CCDC15: variants seen among roughly 807,000 people sequenced by gnomAD.
The protein encoded by CCDC15 is coiled-coil domain-containing protein 15.
In CCDC15, 105 loss-of-function variants were observed where a neutral mutation model predicts 114.5. That is an observed-to-expected ratio of 0.92 (90% CI 0.78 to 1.08). CCDC15 has a LOEUF of 1.08. CCDC15 is among the 50% of genes least tolerant of loss of function. The pLI, the probability that CCDC15 is intolerant of heterozygous loss-of-function variation, is 0.00. For missense variants in CCDC15, 1,105 were observed against 1,093.6 expected (o/e 1.01, Z -0.15); for synonymous variants, 334 against 377.8 (o/e 0.88, Z 1.34).
rs1331765200 is a variant in CCDC15, at chr11:124,987,414, G to C, written c.1188G>C (p.Gln396His). 6.2e-7 allele frequency: 1 copy of C among 1,614,004 alleles called. No individual in the cohort carries two copies. Among genetic ancestry groups the C allele is most frequent in the Non-Finnish European group, 8.5e-7 (1 of 1,179,900 alleles). The change falls in exon 8 of 16, where the codon CAG becomes CAC. Residue 396 changes from glutamine to histidine, a missense_variant. By Grantham distance (24) the Gln-to-His change is conservative (BLOSUM62 0). Coordinates refer to ENST00000344762, the MANE Select transcript of CCDC15 (RefSeq NM_025004.3). ...TETQGIMLKA[Q>H]SIELEEGSIV... is the part of the protein sequence containing the mutation. ...CTCAGGGTATTATGCTGAAAGCCCA[G>C]AGTATTGAGCTAGAAGAAGGGAGTA... is the stretch of plus-strand genomic sequence containing the variant.
intron 6 of CCDC15, among the ~76,000 whole-genome samples, chr11:124,980,765 G>A (rs955245957): frequency 1.3e-5 from 2 of 152,116 alleles, no homozygotes; most frequent in African/African-American, 4.8e-5. Context: ...GTTTTTATCA[G>A]TTCAGCCCTG....
At chr11:125,033,292 T>A (rs1948753512) in intron 13 of CCDC15, among the ~76,000 whole-genome samples, 1 of 152,226 alleles carries the variant, frequency 6.6e-6, no homozygotes, top group South Asian at 2.1e-4. Context: ...GTGCCAGAGC[T>A]CTGCATAAGT....
Position 124,987,299 on chromosome 11 carries a change from C to A in CCDC15, c.1073C>A (p.Pro358Gln). Residue 358 changes from proline (P) to glutamine (Q), a missense_variant, in exon 8 of 16, where the codon CCA becomes CAA. Transcript: ENST00000344762. Reference protein sequence around the residue: ...GDLTGIQSVKPDTQAVEMKVQ... With the variant: ...GDLTGIQSVKQDTQAVEMKVQ... ...TTGACAGGAATCCAGAGTGTTAAGCCAGATACCCAGGCTGTTGAAATGAAG... is the reference window on the plus strand; with the variant it reads ...TTGACAGGAATCCAGAGTGTTAAGCAAGATACCCAGGCTGTTGAAATGAAG... The A allele has an allele frequency of 2.5e-6, 4 of 1,611,306 alleles. No homozygotes were observed. In the South Asian group the frequency reaches 4.4e-5, roughly 18 times the overall value.
chr11:124,964,483 A>T (rs1024571486), intron 4 of CCDC15, among the ~76,000 whole-genome samples: 2 of 152,300 alleles, frequency 1.3e-5, no homozygotes, highest in South Asian at 4.1e-4. Context: ...ATTTTTGCAC[A>T]TTGATTTTGT....
Position 125,005,151 on chromosome 11 carries a change from A to G in CCDC15, c.2350A>G (p.Ile784Val), listed in dbSNP as rs1948539740. 1.3e-6 allele frequency: 2 copies of G among 1,572,574 alleles called. No homozygotes were observed. Among genetic ancestry groups the G allele is most frequent in the South Asian group, 1.2e-5 (1 of 84,936 alleles). ...YLRHRRLFMD[I>V]EREQVKEQQR... ...GAGACATAGACGACTTTTCATGGAT[A>G]TTGAGAGAGAACAAGTTAAAGAACA... The change falls in exon 13 of 16, where the codon ATT (isoleucine) becomes GTT (valine). Residue 784 changes from isoleucine (I) to valine (V), a missense_variant. By Grantham distance (29) the Ile-to-Val change is conservative. Coordinates refer to ENST00000344762, the MANE Select transcript of CCDC15 (RefSeq NM_025004.3).
Position 124,964,143 on chromosome 11 carries a change from A to G in CCDC15, c.516+4140A>G, listed in dbSNP as rs144627441. ...AATGCGGGCTCTTTTTTGGTTCCAT[A>G]TGAACTTTAAAGTAGTTTTTTCCAG... On this transcript the variant is annotated intron_variant, in intron 4 of 15. Transcript: ENST00000344762. Among the ~76,000 whole-genome samples, 907 of 152,254 alleles carry G rather than the reference A, an allele frequency of 6.0e-3. 12 individuals carry two copies. Among genetic ancestry groups the G allele is most frequent in the African/African-American group, 0.021 (867 of 41,548 alleles).
At chr11:125,027,486 G>A (rs1388035483) in intron 13 of CCDC15, among the ~76,000 whole-genome samples, 2 of 151,994 alleles carry the variant, frequency 1.3e-5, no homozygotes, top group Non-Finnish European at 2.9e-5. Flanking sequence ...TCCCTGATAA[G>A]TAATGATGTT....
intron 4 of CCDC15, among the ~76,000 whole-genome samples, chr11:124,970,501 A>G (rs1012309096): frequency 6.6e-6 from 1 of 152,252 alleles, no homozygotes; most frequent in Non-Finnish European, 1.5e-5. Flanking sequence ...ATTTGCAAAT[A>G]AACTACATTA....
chr11:125,031,138 C>T (rs115849315), intron 13 of CCDC15, among the ~76,000 whole-genome samples: 1,613 of 152,336 alleles, frequency 0.011, 35 homozygotes, highest in African/African-American at 0.037. Flanking sequence ...GTGCATTGCT[C>T]GAAGTTCTGC....
chr11:124,954,994 AAC>A, intron 2 of CCDC15, 85 bp downstream of exon 2: 4 of 1,210,360 alleles, frequency 3.3e-6, no homozygotes. Context: ...CTTAAAGATG[AAC>A]AGTCCGAGGA....
rs187112164 is a variant in CCDC15, at chr11:125,034,638, G to T, written c.2412-3793G>T. Among the ~76,000 whole-genome samples the T allele has an allele frequency of 1.1e-3, 173 of 152,254 alleles. 1 individual carries two copies. The highest frequency in any genetic ancestry group is 4.1e-3 in the African/African-American group (169 of 41,556). ...CATATGGTCAAAGTTATTATGTACA[G>T]GGTCACTAAACTCCTTGCCTTTCAT... is the stretch of plus-strand genomic sequence containing the variant. On this transcript the variant is annotated intron_variant, in intron 13 of 15. Coordinates refer to ENST00000344762, the MANE Select transcript of CCDC15 (RefSeq NM_025004.3).
chr11:124,959,109 T>G lies in CCDC15; in HGVS notation c.178-6T>G. On this transcript the variant is annotated splice_region_variant and splice_polypyrimidine_tract_variant and intron_variant, in intron 2 of 15. Coordinates refer to ENST00000344762, the MANE Select transcript of CCDC15 (RefSeq NM_025004.3). Reference sequence around the variant, plus strand: ...TAAGTTCATTTTCTGTCTTTCATCTTTAAAGACATCAGCATATTTAATTGA... The same window carrying G: ...TAAGTTCATTTTCTGTCTTTCATCTGTAAAGACATCAGCATATTTAATTGA... 6.5e-7 allele frequency: 1 copy of G among 1,545,450 alleles called. No individual in the cohort carries two copies. The highest frequency in any genetic ancestry group is 8.7e-7 in the Non-Finnish European group (1 of 1,151,234).
chr11:125,035,904 T>G (rs1948771569), intron 13 of CCDC15, among the ~76,000 whole-genome samples: 1 of 152,148 alleles, frequency 6.6e-6, no homozygotes, highest in Non-Finnish European at 1.5e-5. Context: ...CTTTTAACTT[T>G]TTATTGTTTC....
At chr11:124,997,011 C>G (rs1006859725) in intron 11 of CCDC15, among the ~76,000 whole-genome samples, 1 of 152,206 alleles carries the variant, frequency 6.6e-6, no homozygotes, top group African/African-American at 2.4e-5. Flanking sequence ...GTTCCTTTTG[C>G]TCAGCATAAT....
At chr11:124,979,704 T>G (rs1022334732) in intron 6 of CCDC15, among the ~76,000 whole-genome samples, 4 of 152,162 alleles carry the variant, frequency 2.6e-5, no homozygotes, top group African/African-American at 9.6e-5. Context: ...GAATCATATC[T>G]TCTGCAAATA....
At chr11:124,990,959 T>G (rs1225570765) in intron 8 of CCDC15, among the ~76,000 whole-genome samples, 1 of 152,116 alleles carries the variant, frequency 6.6e-6, no homozygotes, top group Non-Finnish European at 1.5e-5. Context: ...TGGAATGGAG[T>G]GTAGTTTTTG....
chr11:125,006,872 T>C (rs1221607682), intron 13 of CCDC15, among the ~76,000 whole-genome samples: 1 of 152,230 alleles, frequency 6.6e-6, no homozygotes, highest in Non-Finnish European at 1.5e-5. Context: ...TCTGTTCTGT[T>C]CCATTGATCT....
chr11:124,999,224 T>A (rs944852798), intron 11 of CCDC15, among the ~76,000 whole-genome samples: 35 of 152,332 alleles, frequency 2.3e-4, no homozygotes, highest in African/African-American at 8.2e-4. Flanking sequence ...AGCAGTTTAA[T>A]TATGATGTGT....
intron 11 of CCDC15, among the ~76,000 whole-genome samples, chr11:124,997,452 G>T (rs554842951): frequency 4.6e-5 from 7 of 152,084 alleles, no homozygotes; most frequent in Non-Finnish European, 1.0e-4. Flanking sequence ...CCCATGCTTG[G>T]CTAATGTTTA....
Sources: allele counts gnomAD v4.1 joint callset (sites outside exome capture counted in the v4.1 genomes callset), GRCh38; gene constraint gnomAD v4.1.1; transcripts MANE v1.5; gene names NCBI Gene and HGNC (gene_info 2026-07-23, HGNC 2026-07-21).